Variants in EXOC4 observed in about 807,000 individuals in gnomAD.
EXOC4 encodes SEC8-like 1.
Under a neutral mutation model 107.2 loss-of-function variants are expected in EXOC4, and 71 were observed. The observed-to-expected ratio is 0.66, with a 90% CI of 0.55 to 0.81. The LOEUF (loss-of-function observed/expected upper bound fraction) is 0.81. Among genes scored for constraint, EXOC4 ranks in the 30% least tolerant of loss-of-function variants. The pLI is 0.00. For missense variants in EXOC4, 1,108 were observed against 1,189.6 expected (o/e 0.93, Z 1.01); for synonymous variants, 456 against 441.2 (o/e 1.03, Z -0.42).
chr7:133,327,166 G>A (rs772441214), intron 5 of EXOC4, among the ~76,000 whole-genome samples: 1 of 152,194 alleles, frequency 6.6e-6, no homozygotes, highest in Non-Finnish European at 1.5e-5. Flanking sequence ...CGAGTGAGGC[G>A]ATGCTTCGCC....
chr7:133,759,857 G>A (rs1795997351), intron 10 of EXOC4, among the ~76,000 whole-genome samples: 1 of 152,176 alleles, frequency 6.6e-6, no homozygotes, highest in Non-Finnish European at 1.5e-5. Flanking sequence ...AAGATGGGAA[G>A]GCATTGGCCT....
chr7:133,632,242 G>A (rs6949187), intron 10 of EXOC4, among the ~76,000 whole-genome samples: 3 of 151,924 alleles, frequency 2.0e-5, no homozygotes, highest in East Asian at 3.9e-4. Flanking sequence ...AATACTCCCA[G>A]TGGTTTTACT....
At chr7:133,978,018 G>A (rs1029935431) in intron 14 of EXOC4, among the ~76,000 whole-genome samples, 2 of 152,170 alleles carry the variant, frequency 1.3e-5, no homozygotes, top group African/African-American at 4.8e-5. Flanking sequence ...AAACAGACTA[G>A]AACTTACTCT....
chr7:133,568,690 A>C (rs1800958499), intron 9 of EXOC4, among the ~76,000 whole-genome samples: 1 of 152,144 alleles, frequency 6.6e-6, no homozygotes, highest in Non-Finnish European at 1.5e-5. Flanking sequence ...TAGGATTTCC[A>C]AAACAAATAA....
rs188024239 is a variant in EXOC4, at chr7:134,036,621, G to A, written c.2688-27670G>A. Among the ~76,000 whole-genome samples, 606 of 152,238 alleles carry A rather than the reference G, an allele frequency of 4.0e-3. 5 individuals are homozygous for A. Among genetic ancestry groups the A allele is most frequent in the African/African-American group, 0.014 (575 of 41,554 alleles). ...AAAAAGAGAGAGAATTCTCAGAACT[G>A]CTGAATGAATTTTTTCTTGGATTAA... On this transcript the variant is annotated intron_variant, in intron 17 of 17. Transcript: ENST00000253861.
At chr7:133,873,298 G>A (rs532895637) in intron 11 of EXOC4, among the ~76,000 whole-genome samples, 3 of 152,268 alleles carry the variant, frequency 2.0e-5, no homozygotes, top group Admixed American at 1.3e-4. Context: ...CAATCACAAC[G>A]GTCAAACGTT....
chr7:133,376,316 G>A (rs1456634292), intron 7 of EXOC4, among the ~76,000 whole-genome samples: 1 of 152,056 alleles, frequency 6.6e-6, no homozygotes, highest in African/African-American at 2.4e-5. Context: ...TATCTTTATG[G>A]GTTGGAGGCT....
At chr7:133,825,030 G>A (rs1037783440) in intron 11 of EXOC4, among the ~76,000 whole-genome samples, 2 of 151,920 alleles carry the variant, frequency 1.3e-5, no homozygotes, top group African/African-American at 2.4e-5. Flanking sequence ...TTTCCTTGAC[G>A]ACTCTCTGGC....
intron 10 of EXOC4, among the ~76,000 whole-genome samples, chr7:133,632,829 A>G (rs1411241807): frequency 2.1e-5 from 3 of 145,612 alleles, no homozygotes; most frequent in South Asian, 4.2e-4. Flanking sequence ...TATGTTTTCT[A>G]TTCTTTAGAA....
intron 10 of EXOC4, among the ~76,000 whole-genome samples, chr7:133,731,855 A>T (rs1333219368): frequency 6.6e-6 from 1 of 152,264 alleles, no homozygotes; most frequent in Non-Finnish European, 1.5e-5. Context: ...AATATAAATT[A>T]GTTCAACCAT....
At chr7:133,370,750 C>T (rs1796356926) in intron 6 of EXOC4, among the ~76,000 whole-genome samples, 2 of 152,148 alleles carry the variant, frequency 1.3e-5, no homozygotes, top group Admixed American at 6.5e-5. Context: ...GGTAACCATT[C>T]TCCTCAGTGT....
At chr7:133,454,259 A>G (rs1798413755) in intron 7 of EXOC4, among the ~76,000 whole-genome samples, 1 of 152,168 alleles carries the variant, frequency 6.6e-6, no homozygotes, top group African/African-American at 2.4e-5. Context: ...GTTTAGTATT[A>G]TATTTTAAAT....
At chr7:133,622,729 A>G (rs1802364360) in intron 9 of EXOC4, among the ~76,000 whole-genome samples, 1 of 152,072 alleles carries the variant, frequency 6.6e-6, no homozygotes, top group South Asian at 2.1e-4. Flanking sequence ...AGTTGATTCC[A>G]TGGAAAATAT....
chr7:134,073,689 C>T, the EXOC4 span, among the ~76,000 whole-genome samples: 1 of 151,268 alleles, frequency 6.6e-6, no homozygotes, highest in Non-Finnish European at 1.5e-5. Context: ...TTTTAAAAAT[C>T]AAATCTGGCT....
chr7:133,588,342 C>T (rs1276043480), intron 9 of EXOC4, among the ~76,000 whole-genome samples: 1 of 152,152 alleles, frequency 6.6e-6, no homozygotes, highest in Non-Finnish European at 1.5e-5. Context: ...TCCCATTTCA[C>T]CCTTTAAAAA....
chr7:133,412,919 T>C (rs931625977), intron 7 of EXOC4, among the ~76,000 whole-genome samples: 6 of 152,122 alleles, frequency 3.9e-5, no homozygotes, highest in Non-Finnish European at 7.4e-5. Context: ...GGACTCTGTA[T>C]CTTTCTTAGA....
At chr7:134,008,552 A>G (rs545198458) in intron 17 of EXOC4, among the ~76,000 whole-genome samples, 4 of 152,138 alleles carry the variant, frequency 2.6e-5, no homozygotes, top group Admixed American at 2.6e-4. Flanking sequence ...CATTTCTTCC[A>G]TCTTGTTCCA....
intron 10 of EXOC4, among the ~76,000 whole-genome samples, chr7:133,693,322 G>T (rs191121409): frequency 1.3e-5 from 2 of 152,282 alleles, no homozygotes; most frequent in East Asian, 3.9e-4. Context: ...ATGGGAGAGG[G>T]ATGTAGGCCG....
chr7:133,346,466 T>C (rs1442182316), intron 5 of EXOC4, among the ~76,000 whole-genome samples: 3 of 152,210 alleles, frequency 2.0e-5, no homozygotes, highest in Non-Finnish European at 4.4e-5. Context: ...TTTTTAAATT[T>C]AATTATATTT....
Sources: allele counts gnomAD v4.1 joint callset (sites outside exome capture counted in the v4.1 genomes callset), GRCh38; gene constraint gnomAD v4.1.1; transcripts MANE v1.5; gene names NCBI Gene and HGNC (gene_info 2026-07-23, HGNC 2026-07-21).